ENTREP2: variants seen among roughly 807,000 people sequenced by gnomAD.
ENTREP2 encodes the protein endosomal transmembrane epsin interactor 2, also known as protein ENTREP2.
chr15:29,275,764 A>T, the ENTREP2 span, among the ~76,000 whole-genome samples: 2 of 152,330 alleles, frequency 1.3e-5, no homozygotes, highest in African/African-American at 4.8e-5. Flanking sequence ...TTTCTTGTGA[A>T]TCAGAAAAAG....
At chr15:29,415,270 G>A in the ENTREP2 span, among the ~76,000 whole-genome samples, 19 of 152,236 alleles carry the variant, frequency 1.2e-4, no homozygotes, top group East Asian at 7.7e-4. Context: ...CTGGCAAACC[G>A]AATCCAGCAG....
the ENTREP2 span, among the ~76,000 whole-genome samples, chr15:29,332,819 T>C: frequency 2.6e-5 from 4 of 151,280 alleles, no homozygotes; most frequent in Admixed American, 2.6e-4. Flanking sequence ...ATTAGCTGGG[T>C]GTGGTGGTGG....
the ENTREP2 span, among the ~76,000 whole-genome samples, chr15:29,442,433 C>T: frequency 2.0e-5 from 3 of 152,314 alleles, no homozygotes; most frequent in South Asian, 2.1e-4. Flanking sequence ...AAAGGGAACA[C>T]AACCCTGATT....
the ENTREP2 span, among the ~76,000 whole-genome samples, chr15:29,288,885 C>T: frequency 1.7e-3 from 257 of 152,176 alleles, 2 homozygotes; most frequent in Non-Finnish European, 2.9e-3. Context: ...AACTCAATGA[C>T]GGGATCATTT....
At chr15:29,205,422 T>C in the ENTREP2 span, among the ~76,000 whole-genome samples, 1 of 152,208 alleles carries the variant, frequency 6.6e-6, no homozygotes, top group African/African-American at 2.4e-5. Context: ...GCTGTGCCAT[T>C]TTACGTTCCA....
chr15:29,338,136 C>T, the ENTREP2 span, among the ~76,000 whole-genome samples: 2 of 152,056 alleles, frequency 1.3e-5, no homozygotes, highest in African/African-American at 2.4e-5. Context: ...GCCCAACCAA[C>T]CTCACAGGGA....
chr15:29,392,476 G>A, the ENTREP2 span, among the ~76,000 whole-genome samples: 1 of 151,508 alleles, frequency 6.6e-6, no homozygotes, highest in Non-Finnish European at 1.5e-5. Flanking sequence ...AGTTACGCTG[G>A]AAACACCCTA....
At chr15:29,289,988 C>CAAT in the ENTREP2 span, among the ~76,000 whole-genome samples, 2 of 152,104 alleles carry the variant, frequency 1.3e-5, no homozygotes, top group African/African-American at 2.4e-5. Context: ...CACTGTACAG[C>CAAT]AATAAGAAGG....
At chr15:29,357,515 T>C in the ENTREP2 span, among the ~76,000 whole-genome samples, 2 of 151,916 alleles carry the variant, frequency 1.3e-5, no homozygotes, top group African/African-American at 4.8e-5. Flanking sequence ...CAAACTCACA[T>C]ATTACAGAAG....
At chr15:29,128,921 A>G in the ENTREP2 span, 63 of 1,217,912 alleles carry the variant, frequency 5.2e-5, 1 homozygote, top group Non-Finnish European at 6.5e-5. Flanking sequence ...GCAGCACAGC[A>G]GCCTCCAGTA....
the ENTREP2 span, among the ~76,000 whole-genome samples, chr15:29,219,272 A>C: frequency 6.6e-6 from 1 of 152,096 alleles, no homozygotes; most frequent in African/African-American, 2.4e-5. Flanking sequence ...ATACCATCTT[A>C]CTCCTGCAAG....
At chr15:29,271,410 T>C in the ENTREP2 span, among the ~76,000 whole-genome samples, 3 of 152,192 alleles carry the variant, frequency 2.0e-5, no homozygotes, top group African/African-American at 7.2e-5. Context: ...CATATTGTTT[T>C]ATATTGTTTT....
the ENTREP2 span, among the ~76,000 whole-genome samples, chr15:29,155,289 GAAAA>G: frequency 4.7e-5 from 6 of 127,558 alleles, no homozygotes; most frequent in African/African-American, 1.1e-4. Flanking sequence ...CTCATAAAAA[GAAAA>G]AAAAAAAAAA....
At chr15:29,647,229 T>TA in the ENTREP2 span, among the ~76,000 whole-genome samples, 2 of 152,188 alleles carry the variant, frequency 1.3e-5, no homozygotes, top group African/African-American at 4.8e-5. Context: ...GAACAGAGCC[T>TA]AAAAACACAC....
At chr15:29,332,959 CAAA>C in the ENTREP2 span, among the ~76,000 whole-genome samples, 3 of 48,336 alleles carry the variant, frequency 6.2e-5, no homozygotes, top group Admixed American at 2.2e-4. Context: ...AACTCCATCT[CAAA>C]AAAAAAAAAA....
the ENTREP2 span, among the ~76,000 whole-genome samples, chr15:29,168,513 A>G: frequency 6.6e-6 from 1 of 152,158 alleles, no homozygotes; most frequent in Non-Finnish European, 1.5e-5. Flanking sequence ...CAGATCTAGG[A>G]CTGTTTAATT....
chr15:29,640,545 C>T, the ENTREP2 span, among the ~76,000 whole-genome samples: 2 of 151,844 alleles, frequency 1.3e-5, no homozygotes, highest in African/African-American at 4.8e-5. Context: ...GCCTGTAGAC[C>T]CAGCTACTCT....
chr15:29,255,874 G>C, the ENTREP2 span, among the ~76,000 whole-genome samples: 1 of 151,854 alleles, frequency 6.6e-6, no homozygotes, highest in Non-Finnish European at 1.5e-5. Flanking sequence ...GGTGGTGGGC[G>C]CCTGTAGTAC....
chr15:29,302,388 T>C, the ENTREP2 span, among the ~76,000 whole-genome samples: 1 of 152,144 alleles, frequency 6.6e-6, no homozygotes, highest in African/African-American at 2.4e-5. Context: ...GCTGGTGAGT[T>C]AAGGAGGTAT....
Sources: allele counts gnomAD v4.1 joint callset (sites outside exome capture counted in the v4.1 genomes callset), GRCh38; gene constraint gnomAD v4.1.1; transcripts MANE v1.5; gene names NCBI Gene and HGNC (gene_info 2026-07-23, HGNC 2026-07-21).